PAX7: variants seen among roughly 807,000 people sequenced by gnomAD.
PAX7 encodes paired box 7.
PAX7 carries 18 observed loss-of-function variants against 50.7 expected under a neutral mutation model. The ratio of observed to expected loss-of-function variants is 0.36; its 90% CI spans 0.25 to 0.53. The LOEUF (loss-of-function observed/expected upper bound fraction) is 0.53. Among genes scored for constraint, PAX7 ranks in the 20% least tolerant of loss-of-function variants. The pLI, the probability that PAX7 is intolerant of heterozygous loss-of-function variation, is 0.93. For synonymous variants in PAX7, 310 were observed against 290.4 expected, an observed-to-expected ratio of 1.07 and a Z score of -0.69; for missense variants, 644 against 702.9, an observed-to-expected ratio of 0.92 and a Z score of 0.95.
intron 4 of PAX7, among the ~76,000 whole-genome samples, chr1:18,679,496 G>C (rs1259653920): frequency 1.3e-5 from 2 of 152,168 alleles, no homozygotes; most frequent in African/African-American, 4.8e-5. Flanking sequence ...AGCCCCAGCT[G>C]CTGCTCTTTC....
chr1:18,676,508 G>A (rs866264167), intron 4 of PAX7, among the ~76,000 whole-genome samples: 66 of 150,642 alleles, frequency 4.4e-4, no homozygotes, highest in African/African-American at 1.5e-3. Context: ...GGAGGGGAGG[G>A]GAGGGGAAGT....
rs1377052021 is a variant in PAX7, at chr1:18,745,024, T to C, written c.*95T>C. The C allele has an allele frequency of 1.4e-6, 1 of 729,678 alleles. No individual in the cohort carries two copies. Among genetic ancestry groups the C allele is most frequent in the Non-Finnish European group, 2.3e-6 (1 of 427,946 alleles). 45.2% of individuals were successfully genotyped at this position (729,678 alleles called of 1,614,324 possible). A position where few individuals can be genotyped will look rare whatever the true frequency, so the allele number is the denominator to read the frequency against. On this transcript the variant is annotated 3_prime_UTR_variant, in exon 9 of 9. Coordinates refer to ENST00000420770, the MANE Select transcript of PAX7 (RefSeq NM_001135254.2). ...TTGCCGCCTCACCCCCCTGTTGTCCTAGGAGGCCAGGAAAGGAGCCCACCT... is the reference window on the plus strand; with the variant it reads ...TTGCCGCCTCACCCCCCTGTTGTCCCAGGAGGCCAGGAAAGGAGCCCACCT...
At chr1:18,675,159 A>G (rs1190903689) in intron 4 of PAX7, among the ~76,000 whole-genome samples, 3 of 152,130 alleles carry the variant, frequency 2.0e-5, no homozygotes, top group Non-Finnish European at 2.9e-5. Flanking sequence ...GGGTTCTATG[A>G]AAGGATGTAG....
intron 7 of PAX7, among the ~76,000 whole-genome samples, chr1:18,720,204 C>T (rs888165602): frequency 3.3e-5 from 5 of 152,208 alleles, no homozygotes; most frequent in Non-Finnish European, 7.3e-5. Flanking sequence ...AGAGGATGAC[C>T]TCTCATGCCG....
chr1:18,642,215 T>C (rs1235288216), intron 4 of PAX7, among the ~76,000 whole-genome samples: 2 of 133,420 alleles, frequency 1.5e-5, no homozygotes, highest in African/African-American at 5.2e-5. Flanking sequence ...GGTTACCTCT[T>C]TGGAGTTTCT....
chr1:18,710,340 G>T (rs2089334976), intron 7 of PAX7, among the ~76,000 whole-genome samples: 1 of 152,160 alleles, frequency 6.6e-6, no homozygotes, highest in Non-Finnish European at 1.5e-5. Flanking sequence ...ACTGAGCAGT[G>T]CCACTCACAC....
chr1:18,717,647 T>C (rs1210396412), intron 7 of PAX7, among the ~76,000 whole-genome samples: 1 of 152,202 alleles, frequency 6.6e-6, no homozygotes, highest in East Asian at 1.9e-4. Flanking sequence ...GCTCTCTCCC[T>C]CTAATGCAAG....
intron 4 of PAX7, among the ~76,000 whole-genome samples, chr1:18,648,622 G>T (rs1486548599): frequency 1.3e-5 from 2 of 152,102 alleles, no homozygotes; most frequent in African/African-American, 4.8e-5. Context: ...GGATTATAGT[G>T]ATGAGCCGCC....
At chr1:18,665,954 G>T (rs2088662863) in intron 4 of PAX7, among the ~76,000 whole-genome samples, 1 of 152,094 alleles carries the variant, frequency 6.6e-6, no homozygotes, top group South Asian at 2.1e-4. Flanking sequence ...TTACAGGCAT[G>T]AGCCACCATG....
At chr1:18,688,118 T>C (rs2089002836) in intron 4 of PAX7, among the ~76,000 whole-genome samples, 4 of 152,204 alleles carry the variant, frequency 2.6e-5, no homozygotes, top group South Asian at 4.1e-4. Flanking sequence ...CTATATCTTG[T>C]CCTATTATTT....
At position 18,746,952 on chromosome 1, in the gene PAX7, C is replaced by G; in HGVS notation, c.*2023C>G. 4.3e-6 allele frequency: 1 copy of G among 231,574 alleles called. No individual in the cohort carries two copies. The highest frequency in any genetic ancestry group is 8.5e-6 in the Non-Finnish European group (1 of 117,012). 14.3% of individuals were successfully genotyped at this position (231,574 alleles called of 1,614,324 possible). A position where few individuals can be genotyped will look rare whatever the true frequency, so the allele number is the denominator to read the frequency against. On this transcript the variant is annotated 3_prime_UTR_variant, in exon 9 of 9. Coordinates refer to ENST00000420770, the MANE Select transcript of PAX7 (RefSeq NM_001135254.2). ...ACACATGTGATCCATCAAGATCAAC[C>G]AAGGTTGCAACTGGAGCGTCCACTG...
intron 4 of PAX7, among the ~76,000 whole-genome samples, chr1:18,646,856 G>A (rs894043247): frequency 5.3e-5 from 8 of 150,806 alleles, no homozygotes; most frequent in Non-Finnish European, 1.0e-4. Context: ...CCATTATCCC[G>A]AGAAGAAAAC....
At chr1:18,718,257 C>T (rs999481957) in intron 7 of PAX7, among the ~76,000 whole-genome samples, 1 of 152,100 alleles carries the variant, frequency 6.6e-6, no homozygotes, top group African/African-American at 2.4e-5. Context: ...GCAGGGAGTG[C>T]GCCATCTCTG....
In PAX7 at chr1:18,711,894, A is replaced by G. The variant is rs556731643; in HGVS notation, c.1155+8598A>G. On this transcript the variant is annotated intron_variant, in intron 7 of 8. Transcript: ENST00000420770. ...CATTTTTCAGTGTCTGCCCTCCCCA[A>G]CTGGCCTTCTGCACCCAGGAAGAGC... 9.9e-5 allele frequency among the ~76,000 whole-genome samples: 15 copies of G among 152,146 alleles called. No individual in the cohort carries two copies. In the South Asian group the frequency reaches 1.5e-3, roughly 15 times the overall value.
chr1:18,721,749 C>T (rs2089497816), intron 7 of PAX7, among the ~76,000 whole-genome samples: 1 of 152,198 alleles, frequency 6.6e-6, no homozygotes, highest in African/African-American at 2.4e-5. Flanking sequence ...GGAGGAGAAG[C>T]TGGCAGTTGT....
At chr1:18,722,520 G>A (rs769796751) in intron 7 of PAX7, among the ~76,000 whole-genome samples, 1 of 152,124 alleles carries the variant, frequency 6.6e-6, no homozygotes, top group East Asian at 1.9e-4. Context: ...CTCGATAAGT[G>A]GATTAGTCTT....
Position 18,677,361 on chromosome 1 carries a change from C to A in PAX7, c.587-14393C>A, listed in dbSNP as rs1188832426. 2.6e-5 allele frequency among the ~76,000 whole-genome samples: 4 copies of A among 152,126 alleles called. No individual in the cohort carries two copies. The East Asian group carries it at 7.7e-4, about 29-fold the overall frequency. On this transcript the variant is annotated intron_variant, in intron 4 of 8. Transcript: ENST00000420770. ...GACTTTCTCATCAGCACTCCAGGACCGGCGCACAGCAGACCCATCTTTCGG... is the reference window on the plus strand; with the variant it reads ...GACTTTCTCATCAGCACTCCAGGACAGGCGCACAGCAGACCCATCTTTCGG...
At chr1:18,647,883 T>C (rs936689375) in intron 4 of PAX7, among the ~76,000 whole-genome samples, 11 of 152,192 alleles carry the variant, frequency 7.2e-5, no homozygotes, top group Middle Eastern at 3.4e-3. Flanking sequence ...ATAAATAGTA[T>C]CCCTCCTGAT....
chr1:18,663,757 G>A (rs2236835), intron 4 of PAX7, among the ~76,000 whole-genome samples: 4,669 of 152,352 alleles, frequency 0.031, 132 homozygotes, highest in South Asian at 0.11. Flanking sequence ...GGAACTGGCC[G>A]TATCCTAAGT....
Sources: allele counts gnomAD v4.1 joint callset (sites outside exome capture counted in the v4.1 genomes callset), GRCh38; gene constraint gnomAD v4.1.1; transcripts MANE v1.5; gene names NCBI Gene and HGNC (gene_info 2026-07-23, HGNC 2026-07-21).